GCSAML: variants seen among roughly 807,000 people sequenced by gnomAD.
GCSAML encodes germinal center associated signaling and motility like, also known as germinal center-associated signaling and motility-like protein.
In GCSAML, 9 loss-of-function variants were observed where a neutral mutation model predicts 13.0. The observed-to-expected ratio is 0.69, with a 90% CI of 0.42 to 1.21. The LOEUF is 1.21. GCSAML is among the 50% of genes most tolerant of loss of function. The pLI, the probability that GCSAML is intolerant of heterozygous loss-of-function variation, is 0.00. For missense variants in GCSAML, 143 were observed against 153.4 expected, an observed-to-expected ratio of 0.93 and a Z score of 0.36; for synonymous variants, 37 against 52.9, an observed-to-expected ratio of 0.70 and a Z score of 1.31.
rs920355545 is a variant in GCSAML, at chr1:247,563,461, T to G, written c.90-129T>G. On this transcript the variant is annotated intron_variant, in intron 2 of 4. Transcript: ENST00000366488. The stretch of plus-strand genomic sequence containing the variant: ...AGGCTGGAGTAAGCAGCCTTTTAAT[T>G]GTATTTAATATTTGCATGGAAAATC... The G allele has an allele frequency of 5.5e-6, 3 of 547,980 alleles. No individual in the cohort carries two copies. In the African/African-American group the frequency reaches 5.8e-5, roughly 11 times the overall value. The allele number at this position is 547,980 out of a possible 1,614,324, so 33.9% of individuals were successfully genotyped here.
intron 1 of GCSAML, among the ~76,000 whole-genome samples, chr1:247,507,680 A>G (rs1361930089): frequency 6.6e-6 from 1 of 151,470 alleles, no homozygotes; most frequent in African/African-American, 2.4e-5. Context: ...CTAGCCCCCT[A>G]CTCCCTGAAG....
intron 1 of GCSAML, among the ~76,000 whole-genome samples, chr1:247,523,997 T>TAAACACAC (rs1553302213): frequency 6.8e-6 from 1 of 147,742 alleles, no homozygotes; most frequent in Non-Finnish European, 1.5e-5. Context: ...ACATCTGTCT[T>TAAACACAC]ACACACACAC....
chr1:247,534,321 A>C (rs1667130675), intron 2 of GCSAML, among the ~76,000 whole-genome samples: 1 of 152,154 alleles, frequency 6.6e-6, no homozygotes, highest in South Asian at 2.1e-4. Flanking sequence ...ATATTCATGG[A>C]CGTGCATCAT....
At chr1:247,563,555 T>C in intron 2 of GCSAML, 35 bp from the exon 3 acceptor site, 4 of 1,353,090 alleles carry the variant, frequency 3.0e-6, no homozygotes, top group African/African-American at 1.4e-5. Flanking sequence ...TTGGAGAACC[T>C]GGAGTATCTC....
chr1:247,511,198 G>C (rs193028010), intron 1 of GCSAML, among the ~76,000 whole-genome samples: 5 of 152,060 alleles, frequency 3.3e-5, no homozygotes, highest in African/African-American at 7.2e-5. Context: ...GAATCTGGGC[G>C]CTCCTATATT....
chr1:247,563,503 T>A, intron 2 of GCSAML, 87 bp from the exon 3 acceptor site: 1 of 727,864 alleles, frequency 1.4e-6, no homozygotes, highest in Non-Finnish European at 2.3e-6. Flanking sequence ...TGGCCTTAGG[T>A]TAAGGGCAAC....
intron 1 of GCSAML, 26 bp from the exon 2 acceptor site, chr1:247,556,381 C>A (rs1558254770): frequency 6.4e-7 from 1 of 1,573,578 alleles, no homozygotes; most frequent in Admixed American, 1.7e-5. Context: ...AACAATCTCT[C>A]TTTTTTCTTA....
chr1:247,565,739 A>AT (rs1190231150), intron 3 of GCSAML, 192 bp from the exon 4 acceptor site: 4 of 545,644 alleles, frequency 7.3e-6, no homozygotes. Context: ...TTCTTTCTTG[A>AT]TTTTTTCACT....
At chr1:247,561,497 T>A (rs990460186) in intron 2 of GCSAML, among the ~76,000 whole-genome samples, 4 of 152,130 alleles carry the variant, frequency 2.6e-5, no homozygotes, top group Non-Finnish European at 4.4e-5. Flanking sequence ...GAGTTATTTG[T>A]TCTAGCTAAC....
intron 2 of GCSAML, among the ~76,000 whole-genome samples, chr1:247,542,262 G>C (rs1267858088): frequency 6.6e-6 from 1 of 152,146 alleles, no homozygotes; most frequent in African/African-American, 2.4e-5. Flanking sequence ...ATCTCAGCCA[G>C]GGCTACACAG....
intron 1 of GCSAML, among the ~76,000 whole-genome samples, chr1:247,514,804 T>C (rs1666157896): frequency 6.6e-6 from 1 of 152,266 alleles, no homozygotes; most frequent in Non-Finnish European, 1.5e-5. Context: ...TTCTTTATTC[T>C]GTTCCATTGG....
intron 4 of GCSAML, among the ~76,000 whole-genome samples, chr1:247,567,986 G>T (rs1023308561): frequency 9.9e-5 from 15 of 152,160 alleles, no homozygotes; most frequent in African/African-American, 3.6e-4. Context: ...CTTTTGAGAA[G>T]TGTCTGTTCA....
intron 1 of GCSAML, among the ~76,000 whole-genome samples, chr1:247,516,854 T>C (rs542971610): frequency 1.3e-5 from 2 of 151,928 alleles, no homozygotes; most frequent in Non-Finnish European, 2.9e-5. Flanking sequence ...AAAATACTTT[T>C]TTTTCAGTTA....
chr1:247,572,267 G>C (rs1668644226), intron 4 of GCSAML, among the ~76,000 whole-genome samples: 1 of 152,090 alleles, frequency 6.6e-6, no homozygotes, highest in Admixed American at 6.5e-5. Context: ...TGATCTTTTG[G>C]AGGAGAAGAG....
chr1:247,565,627 A>G (rs1668319356), intron 3 of GCSAML: 1 of 287,428 alleles, frequency 3.5e-6, no homozygotes, highest in South Asian at 1.1e-4. Flanking sequence ...TAGCACATTT[A>G]TGAACATTTT....
rs964488193 is a variant in GCSAML at position 247,576,339 on chromosome 1, G to A, written c.*1957G>A. 1.3e-5 allele frequency: 2 copies of A among 152,152 alleles called. No individual in the cohort carries two copies. The highest frequency in any genetic ancestry group is 4.8e-5 in the African/African-American group (2 of 41,426). 9.4% of individuals were successfully genotyped at this position (152,152 alleles called of 1,614,324 possible). A position where few individuals can be genotyped will look rare whatever the true frequency, so the allele number is the denominator to read the frequency against. On this transcript the variant is annotated 3_prime_UTR_variant, in exon 5 of 5. Transcript: ENST00000366488. ...ACAGGTGGATCTCTTGAGCCCAGGA[G>A]TTTGAGGCCAGACTGCACAACACAG...
chr1:247,508,290 T>C (rs1164275842), intron 1 of GCSAML, among the ~76,000 whole-genome samples: 1 of 152,232 alleles, frequency 6.6e-6, no homozygotes, highest in Non-Finnish European at 1.5e-5. Context: ...TTTTCATATG[T>C]TTGATGGCCA....
chr1:247,532,383 A>G (rs1442668765), intron 2 of GCSAML: 1 of 1,614,200 alleles, frequency 6.2e-7, no homozygotes, highest in Non-Finnish European at 8.5e-7. Context: ...TGATGATGCC[A>G]TTGCCCAAGA....
At chr1:247,540,435 A>C (rs745613850) in intron 2 of GCSAML, among the ~76,000 whole-genome samples, 5 of 152,226 alleles carry the variant, frequency 3.3e-5, no homozygotes, top group Non-Finnish European at 7.3e-5. Context: ...TGTCAAACTT[A>C]TCCTTTTCCC....
Sources: gnomAD v4.1 joint callset for allele counts (sites outside exome capture counted in the v4.1 genomes callset) on GRCh38, gnomAD v4.1.1 for gene constraint, MANE v1.5 for transcripts, NCBI Gene and HGNC (gene_info 2026-07-23, HGNC 2026-07-21) for gene names.